The following MYL4 variants were observed in gnomAD, a reference collection of about 807,000 sequenced individuals.
The protein encoded by MYL4 is atrial myosin light chain 1.
In MYL4, 16 loss-of-function variants were observed where a neutral mutation model predicts 21.6. That is an observed-to-expected ratio of 0.74 (90% confidence interval 0.50 to 1.12). The LOEUF (loss-of-function observed/expected upper bound fraction) is 1.12. Among genes scored for constraint, MYL4 ranks in the 50% most tolerant of loss-of-function variants. The pLI, the probability that MYL4 is intolerant of heterozygous loss-of-function variation, is 0.00. For missense variants in MYL4, 249 were observed against 252.9 expected, an observed-to-expected ratio of 0.98 and a Z score of 0.11; for synonymous variants, 82 against 95.7, an observed-to-expected ratio of 0.86 and a Z score of 0.83.
intron 1 of MYL4, among the ~76,000 whole-genome samples, chr17:47,212,765 T>G (rs757654752): frequency 2.6e-5 from 4 of 152,192 alleles, no homozygotes; most frequent in Non-Finnish European, 5.9e-5. Flanking sequence ...ACTGTCATGT[T>G]TGGGGATTTG....
intron 2 of MYL4, among the ~76,000 whole-genome samples, chr17:47,216,695 C>A (rs1249308031): frequency 7.0e-6 from 1 of 141,868 alleles, no homozygotes; most frequent in Admixed American, 6.9e-5. Context: ...TTTTCTTTTT[C>A]TTTCTTTTTT....
chr17:47,214,409 T>C (rs1223304318), intron 2 of MYL4, among the ~76,000 whole-genome samples: 2 of 152,142 alleles, frequency 1.3e-5, no homozygotes, highest in Non-Finnish European at 1.5e-5. Context: ...CATGTGATGC[T>C]CTGTGTCCCC....
At chr17:47,202,066 A>G (rs2064711580) in intron 1 of MYL4, among the ~76,000 whole-genome samples, 2 of 151,948 alleles carry the variant, frequency 1.3e-5, no homozygotes, top group African/African-American at 2.4e-5. Flanking sequence ...GCTCACTGCA[A>G]TCTCCACCTC....
intron 6 of MYL4, 107 bp downstream of exon 6, chr17:47,223,164 G>T: frequency 8.5e-7 from 1 of 1,174,422 alleles, no homozygotes. Flanking sequence ...CCCTTAAGAG[G>T]AAACCTCTTG....
At chr17:47,192,015 G>A in the MYL4 span, among the ~76,000 whole-genome samples, 28 of 152,164 alleles carry the variant, frequency 1.8e-4, no homozygotes, top group Admixed American at 6.5e-4. Context: ...CTGGCTTATA[G>A]GCTTAGAATT....
chr17:47,213,305 A>G (rs2149043398), intron 1 of MYL4, among the ~76,000 whole-genome samples: 1 of 152,310 alleles, frequency 6.6e-6, no homozygotes, highest in Non-Finnish European at 1.5e-5. Context: ...TCTGCATTAC[A>G]GTTGTCCCTC....
chr17:47,219,825 G>C, intron 2 of MYL4, 79 bp from the exon 3 acceptor site: 2 of 1,555,586 alleles, frequency 1.3e-6, no homozygotes, highest in Admixed American at 1.7e-5. Flanking sequence ...CTGCTATTCA[G>C]CTTGGGTGGA....
At chr17:47,198,270 C>T (rs1250591322), upstream of MYL4, among the ~76,000 whole-genome samples, 1 of 152,124 alleles carries the variant, frequency 6.6e-6, no homozygotes, top group Non-Finnish European at 1.5e-5. Flanking sequence ...ATTCCTTGAC[C>T]TGAAGGCATT....
chr17:47,214,991 G>A (rs1202217924), intron 2 of MYL4, among the ~76,000 whole-genome samples: 1 of 152,142 alleles, frequency 6.6e-6, no homozygotes, highest in Non-Finnish European at 1.5e-5. Context: ...TCCGGTGGGA[G>A]GATATCAGCT....
upstream of MYL4, among the ~76,000 whole-genome samples, chr17:47,204,866 A>T (rs2064721954): frequency 6.6e-6 from 1 of 152,178 alleles, no homozygotes; most frequent in Non-Finnish European, 1.5e-5. Context: ...ACGATTGACA[A>T]AGTGTTGGCC....
the MYL4 span, among the ~76,000 whole-genome samples, chr17:47,190,068 G>C: frequency 6.6e-6 from 1 of 152,168 alleles, no homozygotes; most frequent in South Asian, 2.1e-4. Context: ...GGATCAGTCT[G>C]CTAAGAAGGC....
At chr17:47,194,137 G>A in the MYL4 span, among the ~76,000 whole-genome samples, 1 of 152,162 alleles carries the variant, frequency 6.6e-6, no homozygotes, top group African/African-American at 2.4e-5. Flanking sequence ...AGAGCTCCAG[G>A]CCCAAATGAC....
chr17:47,218,602 A>G (rs936521940), intron 2 of MYL4, among the ~76,000 whole-genome samples: 1 of 152,142 alleles, frequency 6.6e-6, no homozygotes, highest in Non-Finnish European at 1.5e-5. Flanking sequence ...CCTGGCCAAC[A>G]TGGTGAAACC....
At chr17:47,200,700 G>C (rs2064706135) in intron 1 of MYL4, 1 of 152,200 alleles carries the variant, frequency 6.6e-6, no homozygotes, top group South Asian at 2.1e-4. Context: ...CCTTAGGCAG[G>C]CTCCCTCCCA....
At chr17:47,216,236 C>A (rs940977351) in intron 2 of MYL4, among the ~76,000 whole-genome samples, 1 of 151,932 alleles carries the variant, frequency 6.6e-6, no homozygotes, top group African/African-American at 2.4e-5. Flanking sequence ...GACCACACTA[C>A]TGCAGATTAT....
At chr17:47,224,382 G>A (rs1473746396), downstream of MYL4, among the ~76,000 whole-genome samples, 1 of 152,092 alleles carries the variant, frequency 6.6e-6, no homozygotes, top group Non-Finnish European at 1.5e-5. Flanking sequence ...AACAGCATGG[G>A]AAAGTTACCT....
In MYL4 at chr17:47,221,692, C is replaced by T. The variant is rs565843103; in HGVS notation, c.324C>T (p.Val108=). ...LGKPKPEEMN[V]KMLDFETFLP... is the part of the protein sequence containing the mutation. ...CCTGCCTGCCTGAAGAGATGAATGT[C>T]AAGATGCTGGACTTTGAGACGTTCT... The change falls in exon 4 of 7, where the codon GTC becomes GTT. Residue 108 remains valine, a synonymous_variant. Coordinates refer to ENST00000393450, the MANE Select transcript of MYL4 (RefSeq NM_002476.2). The T allele has an allele frequency of 6.2e-7, 1 of 1,613,072 alleles. No individual in the cohort carries two copies. The highest frequency in any genetic ancestry group is 1.7e-5 in the Admixed American group (1 of 59,962).
chr17:47,201,083 A>G (rs1465084659), intron 1 of MYL4, among the ~76,000 whole-genome samples: 3 of 152,212 alleles, frequency 2.0e-5, no homozygotes, highest in African/African-American at 7.2e-5. Context: ...GAGGCAGAAG[A>G]ATCGCTTGAA....
chr17:47,223,073 C>A lies in MYL4; in HGVS notation c.*15+16C>A. Reference sequence around the variant, plus strand: ...AGTCTTCCAGGTGAGTGCAGCCTCTCCCTCCTGGTCCCTTCCGGGGTCACA... The same window carrying A: ...AGTCTTCCAGGTGAGTGCAGCCTCTACCTCCTGGTCCCTTCCGGGGTCACA... On this transcript the variant is annotated intron_variant, in intron 6 of 6. Coordinates refer to ENST00000393450, the MANE Select transcript of MYL4 (RefSeq NM_002476.2). 1 of 1,613,798 alleles carries A rather than the reference C, an allele frequency of 6.2e-7. No homozygotes were observed. Among genetic ancestry groups the A allele is most frequent in the Non-Finnish European group, 8.5e-7 (1 of 1,179,718 alleles).
Sources: gnomAD v4.1 joint callset for allele counts (sites outside exome capture counted in the v4.1 genomes callset) on GRCh38, gnomAD v4.1.1 for gene constraint, MANE v1.5 for transcripts, NCBI Gene and HGNC (gene_info 2026-07-23, HGNC 2026-07-21) for gene names.